OTUD7A: variants seen among roughly 807,000 people sequenced by gnomAD.
OTUD7A encodes OTU deubiquitinase 7A, also known as OTU domain-containing protein 7A.
In OTUD7A, 12 loss-of-function variants were observed where a neutral mutation model predicts 65.7. That is an observed-to-expected ratio of 0.18 (90% CI 0.12 to 0.30). The LOEUF (loss-of-function observed/expected upper bound fraction) is 0.30. OTUD7A is among the 10% of genes least tolerant of loss of function. OTUD7A has a pLI of 1.00. For missense variants in OTUD7A, 1,148 were observed against 1,304.8 expected (o/e 0.88, Z 1.85); for synonymous variants, 641 against 586.3 (o/e 1.09, Z -1.35).
intron 1 of OTUD7A, among the ~76,000 whole-genome samples, chr15:31,748,504 T>C (rs1455840702): frequency 6.6e-6 from 1 of 151,776 alleles, no homozygotes; most frequent in Non-Finnish European, 1.5e-5. Flanking sequence ...AGGTATACAG[T>C]TGCAATTGGT....
chr15:31,662,776 C>T (rs113876266), intron 1 of OTUD7A, among the ~76,000 whole-genome samples: 3 of 152,090 alleles, frequency 2.0e-5, no homozygotes, highest in African/African-American at 7.2e-5. Flanking sequence ...CTAATATTTC[C>T]AATTCAAATT....
At chr15:31,613,843 A>G (rs1402124931) in intron 3 of OTUD7A, among the ~76,000 whole-genome samples, 1 of 152,214 alleles carries the variant, frequency 6.6e-6, no homozygotes, top group Non-Finnish European at 1.5e-5. Flanking sequence ...TTGTACATGC[A>G]TGTTTGTGGC....
chr15:31,562,115 T>C (rs1888710846), intron 4 of OTUD7A, among the ~76,000 whole-genome samples: 2 of 152,224 alleles, frequency 1.3e-5, no homozygotes, highest in Non-Finnish European at 2.9e-5. Flanking sequence ...AATGAGTCAC[T>C]GCATCTGGCC....
At chr15:31,502,941 G>T (rs915344125) in intron 9 of OTUD7A, among the ~76,000 whole-genome samples, 3 of 152,222 alleles carry the variant, frequency 2.0e-5, no homozygotes, top group African/African-American at 7.2e-5. Context: ...ATCCTGATTC[G>T]TAGAGCTCCC....
intron 1 of OTUD7A, among the ~76,000 whole-genome samples, chr15:31,755,336 T>C (rs1894781258): frequency 1.3e-5 from 2 of 152,088 alleles, no homozygotes; most frequent in South Asian, 4.1e-4. Flanking sequence ...TGCTACAGGG[T>C]GAGAACTCTC....
At chr15:31,563,752 T>G (rs577297191) in intron 4 of OTUD7A, among the ~76,000 whole-genome samples, 3 of 152,334 alleles carry the variant, frequency 2.0e-5, no homozygotes, top group African/African-American at 7.2e-5. Flanking sequence ...AAACAAGGAC[T>G]TTCTAGAAGA....
chr15:31,748,092 A>G (rs1894527972), intron 1 of OTUD7A, among the ~76,000 whole-genome samples: 1 of 152,218 alleles, frequency 6.6e-6, no homozygotes, highest in Non-Finnish European at 1.5e-5. Flanking sequence ...ACCCTGGACC[A>G]GGAAAATAAT....
Position 31,504,479 on chromosome 15 carries a change from G to A in OTUD7A, c.894-661C>T, listed in dbSNP as rs918122176. Reference sequence around the variant, plus strand: ...AATGCTTCCACTCAAACCCTAAGACGTTCGGGCAGAAGGTGGCAGCCTCGA... The same window carrying A: ...AATGCTTCCACTCAAACCCTAAGACATTCGGGCAGAAGGTGGCAGCCTCGA... On this transcript the variant is annotated intron_variant, in intron 8 of 12. Coordinates refer to ENST00000307050, the MANE Select transcript of OTUD7A (RefSeq NM_001382637.1). 2.6e-5 allele frequency among the ~76,000 whole-genome samples: 4 copies of A among 152,318 alleles called. No homozygotes were observed. In the South Asian group the frequency reaches 6.2e-4, roughly 24 times the overall value.
intron 4 of OTUD7A, among the ~76,000 whole-genome samples, chr15:31,563,518 G>A (rs1413235434): frequency 6.6e-6 from 1 of 152,220 alleles, no homozygotes; most frequent in Non-Finnish European, 1.5e-5. Context: ...GAGAGGGCCT[G>A]GGGTAGGGCG....
chr15:31,690,357 C>T (rs1892934888), intron 1 of OTUD7A, among the ~76,000 whole-genome samples: 1 of 151,834 alleles, frequency 6.6e-6, no homozygotes. Flanking sequence ...TTTAATTTTA[C>T]TAGAAGGCTT....
Position 31,731,727 on chromosome 15 carries a change from G to T in OTUD7A, c.-99-74650C>A, listed in dbSNP as rs1314018143. On this transcript the variant is annotated intron_variant, in intron 1 of 12. Coordinates refer to ENST00000307050, the MANE Select transcript of OTUD7A (RefSeq NM_001382637.1). ...TGGGCAATAATGATGTCTCAATGTAGGTTCATCAGTTGTAACAACTGGACC... is the reference window on the plus strand; with the variant it reads ...TGGGCAATAATGATGTCTCAATGTATGTTCATCAGTTGTAACAACTGGACC... Among the ~76,000 whole-genome samples, 3 of 152,114 alleles carry T rather than the reference G, an allele frequency of 2.0e-5. No individual in the cohort carries two copies. The East Asian group carries it at 5.8e-4, about 29-fold the overall frequency.
intron 1 of OTUD7A, among the ~76,000 whole-genome samples, chr15:31,688,148 G>A (rs960392422): frequency 6.6e-6 from 1 of 151,940 alleles, no homozygotes; most frequent in African/African-American, 2.4e-5. Flanking sequence ...TCCGGTAGGT[G>A]GAGGTTGCAG....
At chr15:31,869,297 C>A (rs917889247) in intron 1 of OTUD7A, among the ~76,000 whole-genome samples, 1 of 152,176 alleles carries the variant, frequency 6.6e-6, no homozygotes, top group Non-Finnish European at 1.5e-5. Context: ...GCTGGGAGGA[C>A]CCTAGTGAAC....
chr15:31,539,424 A>T (rs1318006982), intron 5 of OTUD7A, among the ~76,000 whole-genome samples: 1 of 152,190 alleles, frequency 6.6e-6, no homozygotes, highest in Non-Finnish European at 1.5e-5. Context: ...ACCCCACTGG[A>T]GCATTCAACA....
intron 1 of OTUD7A, among the ~76,000 whole-genome samples, chr15:31,832,642 TTC>T (rs368874889): frequency 2.6e-5 from 4 of 152,286 alleles, no homozygotes; most frequent in Non-Finnish European, 5.9e-5. Flanking sequence ...CAATTGTACT[TTC>T]TGTCTCTATG....
At chr15:31,569,290 C>T (rs1259228345) in intron 4 of OTUD7A, among the ~76,000 whole-genome samples, 5 of 152,158 alleles carry the variant, frequency 3.3e-5, no homozygotes, top group Non-Finnish European at 7.4e-5. Context: ...ATAACAACGA[C>T]AAAAACCCAA....
chr15:31,638,437 T>G (rs1423313583), intron 3 of OTUD7A, among the ~76,000 whole-genome samples: 1 of 146,924 alleles, frequency 6.8e-6, no homozygotes, highest in African/African-American at 2.5e-5. Flanking sequence ...TGGAGTAGAG[T>G]GGCGTGATTT....
intron 1 of OTUD7A, among the ~76,000 whole-genome samples, chr15:31,748,896 T>A (rs1894551616): frequency 6.6e-6 from 1 of 151,958 alleles, no homozygotes; most frequent in East Asian, 1.9e-4. Context: ...ACAAACAGCA[T>A]GGAAAGGTGC....
At chr15:31,667,726 G>C (rs147920118) in intron 1 of OTUD7A, among the ~76,000 whole-genome samples, 1,547 of 152,150 alleles carry the variant, frequency 0.01, 36 homozygotes, top group African/African-American at 0.035. Context: ...TTTTTAACTT[G>C]TATTTTTGTT....
Sources: gnomAD v4.1 joint callset for allele counts (sites outside exome capture counted in the v4.1 genomes callset) on GRCh38, gnomAD v4.1.1 for gene constraint, MANE v1.5 for transcripts, NCBI Gene and HGNC (gene_info 2026-07-23, HGNC 2026-07-21) for gene names.